Variants in EXOC6B observed in about 807,000 individuals in gnomAD.
The protein encoded by EXOC6B is SEC15 homolog B.
In EXOC6B, 54 loss-of-function variants were observed where a neutral mutation model predicts 113.5. That is an observed-to-expected ratio of 0.48 (90% CI 0.38 to 0.60). The LOEUF (loss-of-function observed/expected upper bound fraction) is 0.60, where lower values mean the gene tolerates loss of function less well. Among genes scored for constraint, EXOC6B ranks in the 20% least tolerant of loss-of-function variants. The probability of loss-of-function intolerance (pLI) is 0.00; values close to 1 mark genes in which losing one functional copy is unlikely to be tolerated. For synonymous variants in EXOC6B, 357 were observed against 339.0 expected, an observed-to-expected ratio of 1.05 and a Z score of -0.58; for missense variants, 797 against 977.5, an observed-to-expected ratio of 0.82 and a Z score of 2.46.
intron 17 of EXOC6B, among the ~76,000 whole-genome samples, chr2:72,467,078 A>G (rs181336867): frequency 2.0e-5 from 3 of 152,330 alleles, no homozygotes; most frequent in Non-Finnish European, 1.5e-5. Context: ...ACATGAGATC[A>G]TGCATATTCT....
intron 8 of EXOC6B, among the ~76,000 whole-genome samples, chr2:72,533,641 G>T (rs1702133550): frequency 6.6e-6 from 1 of 152,098 alleles, no homozygotes; most frequent in Admixed American, 6.5e-5. Context: ...CCAAGTTCTT[G>T]CCAATATTAG....
chr2:72,422,287 T>C (rs1694931576), intron 18 of EXOC6B, among the ~76,000 whole-genome samples: 1 of 152,208 alleles, frequency 6.6e-6, no homozygotes, highest in Non-Finnish European at 1.5e-5. Context: ...CCAGCTGGGC[T>C]CCTGAGTCTG....
chr2:72,373,199 G>A (rs1225489613), intron 19 of EXOC6B, among the ~76,000 whole-genome samples: 14 of 151,566 alleles, frequency 9.2e-5, no homozygotes, highest in Admixed American at 9.2e-4. Context: ...CTCTCGAGTA[G>A]CTGGGATTAC....
At position 72,677,089 on chromosome 2, in the gene EXOC6B, T is replaced by G. The variant is rs541431049; in HGVS notation, c.669+41014A>C. On this transcript the variant is annotated intron_variant, in intron 6 of 21. Coordinates refer to ENST00000272427, the MANE Select transcript of EXOC6B (RefSeq NM_015189.3). ...ATTCCACTAAATCTTAGTAGCAGAA[T>G]GTCTTTTAGTCTATTTGCGTAGAAT... Among the ~76,000 whole-genome samples the G allele has an allele frequency of 3.9e-5, 6 of 152,324 alleles. No homozygotes were observed. The South Asian group carries it at 1.2e-3, about 32-fold the overall frequency.
intron 8 of EXOC6B, among the ~76,000 whole-genome samples, chr2:72,520,296 C>A (rs921674994): frequency 1.3e-5 from 2 of 152,168 alleles, no homozygotes; most frequent in Non-Finnish European, 2.9e-5. Flanking sequence ...ATTTGCCCTT[C>A]ATCTCCTACT....
intron 17 of EXOC6B, among the ~76,000 whole-genome samples, chr2:72,475,551 G>A (rs1438663337): frequency 2.6e-5 from 4 of 152,120 alleles, no homozygotes; most frequent in Non-Finnish European, 1.5e-5. Flanking sequence ...CTTCTGGTGT[G>A]CTCTGGCACA....
intron 1 of EXOC6B, among the ~76,000 whole-genome samples, chr2:72,747,346 G>T (rs978881027): frequency 6.6e-6 from 1 of 151,992 alleles, no homozygotes; most frequent in Non-Finnish European, 1.5e-5. Context: ...CTTTCCTGAA[G>T]CATTCAGGAA....
chr2:72,522,027 T>C (rs537722059), intron 8 of EXOC6B, among the ~76,000 whole-genome samples: 9 of 152,280 alleles, frequency 5.9e-5, no homozygotes, highest in Admixed American at 5.2e-4. Context: ...AATCCATATA[T>C]ACCATCTGGA....
chr2:72,653,421 G>T (rs1025844841), intron 6 of EXOC6B, among the ~76,000 whole-genome samples: 19 of 100,206 alleles, frequency 1.9e-4, no homozygotes, highest in Non-Finnish European at 3.3e-4. Context: ...TGGGGGGAGG[G>T]GGGAGGGATA....
intron 6 of EXOC6B, among the ~76,000 whole-genome samples, chr2:72,716,870 A>T (rs892145893): frequency 6.6e-6 from 1 of 152,168 alleles, no homozygotes; most frequent in Admixed American, 6.5e-5. Context: ...AATTTTTAAA[A>T]AGGCAACTTC....
At chr2:72,456,088 G>T (rs1697216605) in intron 18 of EXOC6B, among the ~76,000 whole-genome samples, 1 of 152,014 alleles carries the variant, frequency 6.6e-6, no homozygotes, top group South Asian at 2.1e-4. Flanking sequence ...TATCATAGAG[G>T]TTGCCCTTTT....
At chr2:72,570,880 A>G (rs1008603584) in intron 7 of EXOC6B, among the ~76,000 whole-genome samples, 2 of 152,178 alleles carry the variant, frequency 1.3e-5, no homozygotes. Context: ...CCTTTATTCA[A>G]AAAAGCACAT....
At chr2:72,600,334 G>A (rs952202344) in intron 6 of EXOC6B, among the ~76,000 whole-genome samples, 2 of 150,950 alleles carry the variant, frequency 1.3e-5, no homozygotes, top group African/African-American at 4.9e-5. Flanking sequence ...CCCAGCTACT[G>A]GGGAGGATGA....
intron 1 of EXOC6B, among the ~76,000 whole-genome samples, chr2:72,772,817 A>G (rs1267608792): frequency 2.6e-5 from 4 of 152,160 alleles, no homozygotes; most frequent in Non-Finnish European, 5.9e-5. Flanking sequence ...AAAGACTGGA[A>G]GAGGTACCTA....
chr2:72,546,448 A>G (rs1702904670), intron 8 of EXOC6B, among the ~76,000 whole-genome samples: 1 of 152,236 alleles, frequency 6.6e-6, no homozygotes, highest in Admixed American at 6.5e-5. Flanking sequence ...TCTCCAAAAA[A>G]AAGAGAGAGA....
In EXOC6B at chr2:72,498,500, C is replaced by A; in HGVS notation, c.1291G>T (p.Asp431Tyr). 1 of 1,611,606 alleles carries A rather than the reference C, an allele frequency of 6.2e-7. No homozygotes were observed. The highest frequency in any genetic ancestry group is 1.1e-5 in the South Asian group (1 of 90,736). The change falls in exon 13 of 22, where the codon GAC becomes TAC. Residue 431 changes from aspartate (D) to tyrosine (Y), a missense_variant. By Grantham distance (160) the Asp-to-Tyr change is radical. Transcript: ENST00000272427. ...QLFDMLLEIRDQYSETLLKKW... is the reference protein window; with the variant it reads ...QLFDMLLEIRYQYSETLLKKW... ...TTTAGCAGAGTTTCACTATATTGGTCTCTGATTTCTAACAGCATGTCAAAA... is the reference window on the plus strand; with the variant it reads ...TTTAGCAGAGTTTCACTATATTGGTATCTGATTTCTAACAGCATGTCAAAA...
intron 7 of EXOC6B, among the ~76,000 whole-genome samples, chr2:72,564,566 G>A (rs1704058853): frequency 6.6e-6 from 1 of 152,130 alleles, no homozygotes; most frequent in South Asian, 2.1e-4. Flanking sequence ...TGCATTCAGA[G>A]GATCAATTTT....
intron 18 of EXOC6B, among the ~76,000 whole-genome samples, chr2:72,410,661 T>C (rs1261665406): frequency 6.6e-6 from 1 of 152,206 alleles, no homozygotes; most frequent in Admixed American, 6.5e-5. Flanking sequence ...AGTACAGCAA[T>C]TTAGCTTTGG....
At chr2:72,569,996 T>G (rs963080213) in intron 7 of EXOC6B, among the ~76,000 whole-genome samples, 2 of 152,168 alleles carry the variant, frequency 1.3e-5, no homozygotes, top group Non-Finnish European at 2.9e-5. Context: ...CTAAATTGTG[T>G]TATGACTATA....
Sources: allele counts gnomAD v4.1 joint callset (sites outside exome capture counted in the v4.1 genomes callset), GRCh38; gene constraint gnomAD v4.1.1; transcripts MANE v1.5; gene names NCBI Gene and HGNC (gene_info 2026-07-23, HGNC 2026-07-21).